AXIN1: variants seen among roughly 807,000 people sequenced by gnomAD.
AXIN1 encodes axin 1, also known as axin-1.
Under a neutral mutation model 76.4 loss-of-function variants are expected in AXIN1, and 30 were observed. That is an observed-to-expected ratio of 0.39 (90% confidence interval 0.29 to 0.53). The LOEUF (loss-of-function observed/expected upper bound fraction) is 0.53, where lower values mean the gene tolerates loss of function less well. Among genes scored for constraint, AXIN1 ranks in the 20% least tolerant of loss-of-function variants. AXIN1 has a pLI of 0.66. For synonymous variants in AXIN1, 545 were observed against 501.4 expected (o/e 1.09, Z -1.16); for missense variants, 1,140 against 1,198.8 (o/e 0.95, Z 0.72).
intron 2 of AXIN1, among the ~76,000 whole-genome samples, chr16:345,060 C>T (rs1023910512): frequency 2.0e-5 from 3 of 151,832 alleles, no homozygotes; most frequent in Non-Finnish European, 4.4e-5. Context: ...GTGGGAAATG[C>T]ATGCGCTCTG....
intron 1 of AXIN1, among the ~76,000 whole-genome samples, chr16:351,726 T>A (rs144007769): frequency 6.7e-6 from 1 of 149,396 alleles, no homozygotes; most frequent in East Asian, 1.9e-4. Flanking sequence ...GGCAATATAG[T>A]GACACCCCAT....
intron 4 of AXIN1, among the ~76,000 whole-genome samples, chr16:306,184 C>A (rs1031100937): frequency 6.6e-6 from 1 of 152,138 alleles, no homozygotes; most frequent in Non-Finnish European, 1.5e-5. Context: ...CACACGCACA[C>A]ACACAGGCAC....
chr16:323,249 C>T (rs922304926), intron 2 of AXIN1, among the ~76,000 whole-genome samples: 28 of 151,888 alleles, frequency 1.8e-4, no homozygotes, highest in African/African-American at 6.8e-4. Context: ...ACCCTCCTGG[C>T]TAACACGGTG....
chr16:336,399 C>G (rs564010239), intron 2 of AXIN1, among the ~76,000 whole-genome samples: 2 of 152,144 alleles, frequency 1.3e-5, no homozygotes, highest in Non-Finnish European at 2.9e-5. Context: ...CACTAAGGAC[C>G]GAACCGTGTC....
Position 293,420 on chromosome 16 carries a change from A to AGCTT in AXIN1, c.2186+64_2186+67dup. 1 of 1,496,200 alleles carries AGCTT rather than the reference A, an allele frequency of 6.7e-7. No individual in the cohort carries two copies. Among genetic ancestry groups the AGCTT allele is most frequent in the Non-Finnish European group, 9.2e-7 (1 of 1,091,216 alleles). 92.7% of individuals were successfully genotyped at this position (1,496,200 alleles called of 1,614,324 possible). ...CCCCTGAAGACCTCAGGCCTCGGGGAGCTTCAGCCCCAGGAGTGGTGCTGT... is the reference window on the plus strand; with the variant it reads ...CCCCTGAAGACCTCAGGCCTCGGGGAGCTTGCTTCAGCCCCAGGAGTGGTGCTGT... On this transcript the variant is annotated intron_variant, in intron 8 of 10. Coordinates refer to ENST00000262320, the MANE Select transcript of AXIN1 (RefSeq NM_003502.4). This position sits in a 1 kb window ranked among gnomAD's most constrained non-coding sequence, Gnocchi z 4.6.
At position 291,268 on chromosome 16, in the gene AXIN1, C is replaced by T. The variant is rs1023217450; in HGVS notation, c.2216G>A (p.Arg739His). Residue 739 changes from arginine (R) to histidine (H), a missense_variant, in exon 9 of 11, where the codon CGC (arginine) becomes CAC (histidine). Arg to His is a conservative substitution (Grantham distance 29, BLOSUM62 0). Transcript: ENST00000262320. ...RYVQEVMRRG[R>H]ACVRPACAPV... ...CGCGCACGCTGGCCTGACGCAGGCG[C>T]GTCCCCGCCGCATAACCTCCTGCAC... The T allele has an allele frequency of 5.7e-6, 9 of 1,578,844 alleles. No individual in the cohort carries two copies. Among genetic ancestry groups the T allele is most frequent in the African/African-American group, 2.7e-5 (2 of 74,638 alleles).
At chr16:311,696 G>A (rs763968692) in intron 3 of AXIN1, among the ~76,000 whole-genome samples, 42 of 152,220 alleles carry the variant, frequency 2.8e-4, no homozygotes, top group Middle Eastern at 3.4e-3. Flanking sequence ...GCGTGAACCC[G>A]GGAGGCGGAG....
rs374918752 is a variant in AXIN1, at chr16:297,245, C to T, written c.1785-19G>A. 3.3e-5 allele frequency: 53 copies of T among 1,602,962 alleles called. No homozygotes were observed. In the Middle Eastern group the frequency reaches 6.6e-4, roughly 20 times the overall value. Reference sequence around the variant, plus strand: ...CTTCCCACTGCAAGGGCAAGAGCTGCGAGTCGCCCTGGCCTCCGGTGGCCG... The same window carrying T: ...CTTCCCACTGCAAGGGCAAGAGCTGTGAGTCGCCCTGGCCTCCGGTGGCCG... On this transcript the variant is annotated intron_variant, in intron 6 of 10. Coordinates refer to ENST00000262320, the MANE Select transcript of AXIN1 (RefSeq NM_003502.4).
chr16:321,871 G>T (rs111568393), intron 2 of AXIN1, among the ~76,000 whole-genome samples: 43 of 152,346 alleles, frequency 2.8e-4, no homozygotes, highest in African/African-American at 9.4e-4. Flanking sequence ...TCGTTGACGG[G>T]CACCCTGAAT....
At chr16:340,286 G>C (rs1443264246) in intron 2 of AXIN1, among the ~76,000 whole-genome samples, 1 of 152,102 alleles carries the variant, frequency 6.6e-6, no homozygotes, top group Non-Finnish European at 1.5e-5. Context: ...CCACTCTCTG[G>C]CCACAGCCAC....
At chr16:312,513 C>G (rs1363161064) in intron 3 of AXIN1, among the ~76,000 whole-genome samples, 1 of 152,140 alleles carries the variant, frequency 6.6e-6, no homozygotes, top group Non-Finnish European at 1.5e-5. Flanking sequence ...AGAGGGAAAC[C>G]AGATGCTAGG....
chr16:330,921 C>T (rs887711798), intron 2 of AXIN1, among the ~76,000 whole-genome samples: 2 of 152,212 alleles, frequency 1.3e-5, no homozygotes, highest in African/African-American at 2.4e-5. Context: ...AATTTAGAGT[C>T]ATTTGCCAAG....
chr16:332,663 C>CAAAAAAA (rs34523667), intron 2 of AXIN1, among the ~76,000 whole-genome samples: 4 of 113,760 alleles, frequency 3.5e-5, no homozygotes, highest in Non-Finnish European at 5.5e-5. Flanking sequence ...TGATCTAAAC[C>CAAAAAAA]AAAAAAAAAA....
At chr16:335,911 T>C (rs2053794158) in intron 2 of AXIN1, among the ~76,000 whole-genome samples, 1 of 152,170 alleles carries the variant, frequency 6.6e-6, no homozygotes, top group South Asian at 2.1e-4. Flanking sequence ...CGGCCATTAT[T>C]AACTCAAAAA....
In AXIN1 at chr16:297,198, T is replaced by C. The variant is rs371790424; in HGVS notation, c.1813A>G (p.Asn605Asp). 123 of 1,609,010 alleles carry C rather than the reference T, an allele frequency of 7.6e-5. No homozygotes were observed. Among genetic ancestry groups the C allele is most frequent in the Non-Finnish European group, 1.0e-4 (118 of 1,179,944 alleles). Residue 605 changes from asparagine to aspartate, a missense_variant, in exon 7 of 11, where the codon AAT becomes GAT. Physicochemically the swap from Asn to Asp is conservative, Grantham distance 23 (BLOSUM62 1). Transcript: ENST00000262320. ...SGKVGVACKR[N>D]AKKAESGKSA... ...TTCCCCGACTCAGCCTTCTTGGCAT[T>C]TCTTTTGCACGCCACGCCCACCTTC...
chr16:291,289 T>C lies in AXIN1; in HGVS notation c.2195A>G (p.Gln732Arg). 6.3e-7 allele frequency: 1 copy of C among 1,577,858 alleles called. No individual in the cohort carries two copies. The highest frequency in any genetic ancestry group is 8.6e-7 in the Non-Finnish European group (1 of 1,162,638). ...SRAPSKQRYV[Q>R]EVMRRGRACV... The stretch of plus-strand genomic sequence containing the variant: ...GGCGCGTCCCCGCCGCATAACCTCC[T>C]GCACATACCTAGGGAACAACCCGCG... The change falls in exon 9 of 11, where the codon CAG becomes CGG. Residue 732 changes from glutamine to arginine, a missense_variant. This residue lies in a region of AXIN1 where 429 missense variants were observed against 405.8 expected (regional missense o/e 1.06). Transcript: ENST00000262320.
chr16:304,177 G>A, intron 5 of AXIN1, 127 bp downstream of exon 5: 1 of 1,490,064 alleles, frequency 6.7e-7, no homozygotes, highest in Non-Finnish European at 9.2e-7. Context: ...GACTCAGCCG[G>A]GAGGCCTCAT....
At chr16:326,372 A>ATATAT (rs1555483772) in intron 2 of AXIN1, among the ~76,000 whole-genome samples, 46 of 86,434 alleles carry the variant, frequency 5.3e-4, no homozygotes, top group East Asian at 4.7e-3. Context: ...AAAAAAAAAA[A>ATATAT]ATATATATAT....
chr16:291,115 C>T, intron 9 of AXIN1, 75 bp downstream of exon 9: 1 of 1,413,314 alleles, frequency 7.1e-7, no homozygotes. Context: ...GGGACGGCGG[C>T]TCTACGATGG....
Sources: gnomAD v4.1 joint callset for allele counts (sites outside exome capture counted in the v4.1 genomes callset) on GRCh38, gnomAD v4.1.1 for gene constraint, gnomAD v4.1.1 regional missense constraint, Gnocchi (gnomAD v3.1) non-coding constraint, MANE v1.5 for transcripts, NCBI Gene and HGNC (gene_info 2026-07-23, HGNC 2026-07-21) for gene names.